Variants in PPARA observed in about 807,000 individuals in gnomAD.
PPARA encodes the protein peroxisome proliferator-activated receptor alpha.
A neutral mutation model predicts 42.2 loss-of-function variants in PPARA; 22 were observed. The observed-to-expected ratio is 0.52, with a 90% CI of 0.37 to 0.74. PPARA has a LOEUF of 0.74. PPARA is among the 30% of genes least tolerant of loss of function. The probability of loss-of-function intolerance (pLI) is 0.00; values close to 1 mark genes in which losing one functional copy is unlikely to be tolerated. For synonymous variants in PPARA, 242 were observed against 239.3 expected (o/e 1.01, Z -0.10); for missense variants, 465 against 608.2 (o/e 0.76, Z 2.48).
In PPARA at chr22:46,241,986, G is replaced by A. The variant is rs548378873; in HGVS notation, c.*6606G>A. ...GAGATAGCAAACTAAGACCTGGGGA[G>A]GGGGGTCAGCTTTTATTTTATTTTA... is the stretch of plus-strand genomic sequence containing the variant. On this transcript the variant is annotated 3_prime_UTR_variant, in exon 9 of 9. Coordinates refer to ENST00000407236, the MANE Select transcript of PPARA (RefSeq NM_005036.6). This position sits in a 1 kb window ranked among gnomAD's most constrained non-coding sequence, Gnocchi z 5.7. 1.3e-5 allele frequency: 2 copies of A among 152,040 alleles called. No individual in the cohort carries two copies. Among genetic ancestry groups the A allele is most frequent in the East Asian group, 3.9e-4 (2 of 5,170 alleles). 9.4% of individuals were successfully genotyped at this position (152,040 alleles called of 1,614,324 possible).
intron 7 of PPARA, chr22:46,220,725 TTG>T (rs1482337440): frequency 6.6e-6 from 1 of 151,340 alleles, no homozygotes; most frequent in Non-Finnish European, 1.5e-5. Flanking sequence ...GGCAGATTGC[TTG>T]AGTCCAGGAG....
In PPARA at chr22:46,238,835, G is replaced by A. The variant is rs1375634768; in HGVS notation, c.*3455G>A. On this transcript the variant is annotated 3_prime_UTR_variant, in exon 9 of 9. Coordinates refer to ENST00000407236, the MANE Select transcript of PPARA (RefSeq NM_005036.6). This position sits in a 1 kb window ranked among gnomAD's most constrained non-coding sequence, Gnocchi z 8.3. ...CTTCCAGAGACCGGAGAACTGTGCA[G>A]GGCCTAAGGCCGTTTGGATGAATTG... 1 of 143,648 alleles carries A rather than the reference G, an allele frequency of 7.0e-6. No individual in the cohort carries two copies. Among genetic ancestry groups the A allele is most frequent in the African/African-American group, 2.9e-5 (1 of 33,936 alleles). The allele number at this position is 143,648 out of a possible 1,614,324, so 8.9% of individuals were successfully genotyped here. A position where few individuals can be genotyped will look rare whatever the true frequency, so the allele number is the denominator to read the frequency against.
chr22:46,199,177 CG>C (rs950685215), intron 4 of PPARA, among the ~76,000 whole-genome samples: 3 of 152,022 alleles, frequency 2.0e-5, no homozygotes, highest in African/African-American at 7.2e-5. Context: ...AGCAAGCCCG[CG>C]GGGGGCAGCT....
At chr22:46,198,911 G>A (rs1379313561) in intron 4 of PPARA, among the ~76,000 whole-genome samples, 1 of 152,128 alleles carries the variant, frequency 6.6e-6, no homozygotes, top group East Asian at 1.9e-4. Flanking sequence ...TGCCCGCCTC[G>A]GCCTCCTAAA....
rs1012495766 is a variant in PPARA, at chr22:46,182,903, C to T, written c.-43+6067C>T. ...GAGACTACAGGCATACGCCACCATG[C>T]CCAGCTAATTTTTCTATTTTTAGTA... On this transcript the variant is annotated intron_variant, in intron 3 of 8. Coordinates refer to ENST00000407236, the MANE Select transcript of PPARA (RefSeq NM_005036.6). The surrounding 1 kb of genome is among the most constrained non-coding windows in gnomAD (Gnocchi z 5.2). 1.3e-5 allele frequency among the ~76,000 whole-genome samples: 2 copies of T among 152,144 alleles called. No homozygotes were observed. The highest frequency in any genetic ancestry group is 2.9e-5 in the Non-Finnish European group (2 of 68,034).
In PPARA at chr22:46,188,193, G is replaced by T. The variant is rs1433880077; in HGVS notation, c.-42-10149G>T. Among the ~76,000 whole-genome samples the T allele has an allele frequency of 1.3e-5, 2 of 152,178 alleles. No individual in the cohort carries two copies. The highest frequency in any genetic ancestry group is 4.8e-5 in the African/African-American group (2 of 41,436). On this transcript the variant is annotated intron_variant, in intron 3 of 8. Transcript: ENST00000407236. The surrounding 1 kb of genome is among the most constrained non-coding windows in gnomAD (Gnocchi z 5.0). ...CCAATTTGCTGACCCATAGAATTGT[G>T]AACAAATAAAATGGTTGTAGTTATA...
chr22:46,168,282 G>A (rs1338335748), intron 2 of PPARA, among the ~76,000 whole-genome samples: 1 of 143,522 alleles, frequency 7.0e-6, no homozygotes, highest in Non-Finnish European at 1.5e-5. Context: ...AACCTGGGAG[G>A]CGGAGCTTGC....
intron 3 of PPARA, among the ~76,000 whole-genome samples, chr22:46,194,565 T>A (rs1223003930): frequency 1.3e-5 from 2 of 149,016 alleles, no homozygotes; most frequent in Admixed American, 1.4e-4. Context: ...TACTTGCTTT[T>A]TCCTTTTTTT....
chr22:46,177,867 G>A (rs1327369383), intron 3 of PPARA, among the ~76,000 whole-genome samples: 1 of 152,286 alleles, frequency 6.6e-6, no homozygotes, highest in South Asian at 2.1e-4. Flanking sequence ...TAACCAGTGA[G>A]ATATATCAGA....
Position 46,225,835 on chromosome 22 carries a change from A to AC in PPARA, c.711+5826dup, listed in dbSNP as rs1169698997. ...CACACATGCACACAGACGCACCTCC[A>AC]CCCCCACACACGCACACACACACAT... On this transcript the variant is annotated intron_variant, in intron 7 of 8. Coordinates refer to ENST00000407236, the MANE Select transcript of PPARA (RefSeq NM_005036.6). This position sits in a 1 kb window ranked among gnomAD's most constrained non-coding sequence, Gnocchi z 4.1. Among the ~76,000 whole-genome samples the AC allele has an allele frequency of 5.6e-4, 83 of 148,960 alleles. No homozygotes were observed. Among genetic ancestry groups the AC allele is most frequent in the African/African-American group, 2.0e-3 (81 of 40,056 alleles).
Position 46,163,643 on chromosome 22 carries a change from T to C in PPARA, c.-127+11673T>C, listed in dbSNP as rs1214843050. On this transcript the variant is annotated intron_variant, in intron 2 of 8. Transcript: ENST00000407236. The surrounding 1 kb of genome is among the most constrained non-coding windows in gnomAD (Gnocchi z 4.9). ...CTTTCCCAGGACGACGTGACATGAG[T>C]GGTCTGTGCCTTCCAGGGCAGCCAC... is the stretch of plus-strand genomic sequence containing the variant. The C allele has an allele frequency of 1.3e-5, 2 of 152,124 alleles. No individual in the cohort carries two copies. Among genetic ancestry groups the C allele is most frequent in the Non-Finnish European group, 2.9e-5 (2 of 68,026 alleles). 9.4% of individuals were successfully genotyped at this position (152,124 alleles called of 1,614,324 possible).
At chr22:46,215,376 A>T (rs371191915) in intron 5 of PPARA, 43 bp downstream of exon 5, 1 of 1,611,336 alleles carries the variant, frequency 6.2e-7, no homozygotes, top group Non-Finnish European at 8.5e-7. Context: ...GCCACCATCA[A>T]CTACTTATGG....
At chr22:46,154,208 C>A (rs1924903337) in intron 2 of PPARA, among the ~76,000 whole-genome samples, 1 of 152,204 alleles carries the variant, frequency 6.6e-6, no homozygotes, top group African/African-American at 2.4e-5. Flanking sequence ...TAAAGATAAT[C>A]CTCATCATGG....
intron 7 of PPARA, among the ~76,000 whole-genome samples, chr22:46,226,531 A>G (rs1335575108): frequency 1.3e-5 from 2 of 152,200 alleles, no homozygotes; most frequent in Non-Finnish European, 2.9e-5. Context: ...GTTGGGGATT[A>G]TCTTAAAGTC....
intron 2 of PPARA, among the ~76,000 whole-genome samples, chr22:46,176,408 C>T (rs1929066678): frequency 6.6e-6 from 1 of 152,096 alleles, no homozygotes; most frequent in Non-Finnish European, 1.5e-5. Context: ...ATCACTTGAA[C>T]CCAGGAGGCG....
At position 46,216,566 on chromosome 22, in the gene PPARA, T is replaced by C. The variant is rs1934512110; in HGVS notation, c.369+1233T>C. The stretch of plus-strand genomic sequence containing the variant: ...GAGACACAGAGTATCTTGCTTAGGG[T>C]CCCACAGCCCCCAGCAGCAGGGACT... On this transcript the variant is annotated intron_variant, in intron 5 of 8. Transcript: ENST00000407236. The surrounding 1 kb of genome is among the most constrained non-coding windows in gnomAD (Gnocchi z 4.5). 2.0e-5 allele frequency among the ~76,000 whole-genome samples: 3 copies of C among 152,228 alleles called. No homozygotes were observed. The South Asian group carries it at 6.2e-4, about 32-fold the overall frequency.
rs780660322 is a variant in PPARA, at chr22:46,221,854, T to C, written c.711+1840T>C. Reference sequence around the variant, plus strand: ...ACTTTGGGAGGCTGAGGTGGGTGGATCACTTGAGGTCAGGAGTTTGAGACC... The same window carrying C: ...ACTTTGGGAGGCTGAGGTGGGTGGACCACTTGAGGTCAGGAGTTTGAGACC... On this transcript the variant is annotated intron_variant, in intron 7 of 8. Transcript: ENST00000407236. This position sits in a 1 kb window ranked among gnomAD's most constrained non-coding sequence, Gnocchi z 5.9. 6.6e-6 allele frequency among the ~76,000 whole-genome samples: 1 copy of C among 151,684 alleles called. No homozygotes were observed. The highest frequency in any genetic ancestry group is 1.5e-5 in the Non-Finnish European group (1 of 67,938).
intron 3 of PPARA, among the ~76,000 whole-genome samples, chr22:46,194,390 A>G (rs1462679445): frequency 6.6e-6 from 1 of 152,186 alleles, no homozygotes; most frequent in African/African-American, 2.4e-5. Flanking sequence ...TATAACGACA[A>G]GCAAACTAAC....
At chr22:46,228,261 G>C (rs1320411464) in intron 7 of PPARA, among the ~76,000 whole-genome samples, 2 of 152,148 alleles carry the variant, frequency 1.3e-5, no homozygotes, top group Non-Finnish European at 2.9e-5. Flanking sequence ...CCCGCAGTGT[G>C]TGGTGGCTCA....
Sources: allele counts gnomAD v4.1 joint callset (sites outside exome capture counted in the v4.1 genomes callset), GRCh38; gene constraint gnomAD v4.1.1; non-coding constraint Gnocchi (gnomAD v3.1); transcripts MANE v1.5; gene names NCBI Gene and HGNC (gene_info 2026-07-23, HGNC 2026-07-21).